DOCK4: variants seen among roughly 807,000 people sequenced by gnomAD.
DOCK4 encodes the protein dedicator of cytokinesis 4.
A neutral mutation model predicts 268.1 loss-of-function variants in DOCK4; 97 were observed. The ratio of observed to expected loss-of-function variants is 0.36; its 90% confidence interval spans 0.31 to 0.43. The LOEUF (loss-of-function observed/expected upper bound fraction) is 0.43, where lower values mean the gene tolerates loss of function less well. DOCK4 is among the 20% of genes least tolerant of loss of function. The probability of loss-of-function intolerance (pLI) is 1.00; values close to 1 mark genes in which losing one functional copy is unlikely to be tolerated. For missense variants in DOCK4, 2,145 were observed against 2,455.7 expected (o/e 0.87, Z 2.67); for synonymous variants, 954 against 887.2 (o/e 1.08, Z -1.34).
chr7:112,141,114 C>A (rs1020476327), intron 1 of DOCK4, among the ~76,000 whole-genome samples: 2 of 152,148 alleles, frequency 1.3e-5, no homozygotes, highest in African/African-American at 4.8e-5. Context: ...CAACAATCAC[C>A]AACATCCTGC....
At chr7:111,729,036 C>T (rs1794878455) in intron 52 of DOCK4, among the ~76,000 whole-genome samples, 1 of 152,152 alleles carries the variant, frequency 6.6e-6, no homozygotes, top group South Asian at 2.1e-4. Flanking sequence ...GGCTGCCACG[C>T]ATTGATCCTG....
At chr7:111,831,883 T>C (rs1435981064) in intron 26 of DOCK4, among the ~76,000 whole-genome samples, 1 of 152,106 alleles carries the variant, frequency 6.6e-6, no homozygotes, top group African/African-American at 2.4e-5. Context: ...CTTCAAAATG[T>C]CCTCAAAACA....
intron 16 of DOCK4, among the ~76,000 whole-genome samples, chr7:111,889,410 G>A (rs1172354393): frequency 2.0e-5 from 3 of 152,024 alleles, no homozygotes; most frequent in Non-Finnish European, 4.4e-5. Context: ...GGGTTCACTG[G>A]GCAGCAGGCT....
intron 26 of DOCK4, among the ~76,000 whole-genome samples, chr7:111,826,638 A>G (rs562945156): frequency 6.6e-6 from 1 of 152,308 alleles, no homozygotes; most frequent in South Asian, 2.1e-4. Context: ...GGAAACAGAA[A>G]ACCAAATACT....
At chr7:112,154,954 A>G (rs2116435295) in intron 1 of DOCK4, among the ~76,000 whole-genome samples, 1 of 152,300 alleles carries the variant, frequency 6.6e-6, no homozygotes, top group African/African-American at 2.4e-5. Context: ...ACAACACCAT[A>G]TTGACATATG....
At chr7:111,861,758 AAATAAT>A (rs1232947496) in intron 23 of DOCK4, among the ~76,000 whole-genome samples, 2 of 74,352 alleles carry the variant, frequency 2.7e-5, no homozygotes, top group Non-Finnish European at 6.0e-5. Context: ...AAAAAAAAAA[AAATAAT>A]AATAATAATA....
intron 12 of DOCK4, among the ~76,000 whole-genome samples, chr7:111,924,037 G>A (rs1177502090): frequency 1.1e-4 from 16 of 152,078 alleles, no homozygotes; most frequent in Admixed American, 9.8e-4. Context: ...CTTGAGTAAC[G>A]CTGAAATATA....
intron 39 of DOCK4, among the ~76,000 whole-genome samples, chr7:111,764,301 C>T (rs950884140): frequency 1.3e-5 from 2 of 152,120 alleles, no homozygotes; most frequent in Admixed American, 6.5e-5. Context: ...CCAAGTACAC[C>T]CATCCTAGTA....
intron 1 of DOCK4, among the ~76,000 whole-genome samples, chr7:112,074,225 G>T (rs539633453): frequency 2.6e-5 from 4 of 152,246 alleles, no homozygotes; most frequent in Admixed American, 2.6e-4. Flanking sequence ...GGCAGATGTG[G>T]GTGAGTATCC....
chr7:111,969,934 T>C (rs1370502025), intron 8 of DOCK4, among the ~76,000 whole-genome samples: 2 of 152,206 alleles, frequency 1.3e-5, no homozygotes, highest in Non-Finnish European at 2.9e-5. Flanking sequence ...AGTTTATGCA[T>C]GTCCACATTC....
At chr7:111,809,713 A>C (rs1405030237) in intron 28 of DOCK4, among the ~76,000 whole-genome samples, 1 of 152,240 alleles carries the variant, frequency 6.6e-6, no homozygotes, top group African/African-American at 2.4e-5. Flanking sequence ...GGTATATGCT[A>C]AAAGACAGAT....
intron 30 of DOCK4, among the ~76,000 whole-genome samples, chr7:111,799,385 C>T (rs137870296): frequency 1.4e-3 from 210 of 152,246 alleles, no homozygotes; most frequent in African/African-American, 4.7e-3. Flanking sequence ...TAGCAGAAGC[C>T]CAACCCCAGA....
intron 1 of DOCK4, among the ~76,000 whole-genome samples, chr7:112,182,256 T>C (rs2116706693): frequency 6.6e-6 from 1 of 152,334 alleles, no homozygotes; most frequent in East Asian, 1.9e-4. Flanking sequence ...ATAGTTATTA[T>C]TGTTTTCATA....
At chr7:112,135,270 C>A (rs1169538213) in intron 1 of DOCK4, among the ~76,000 whole-genome samples, 1 of 151,966 alleles carries the variant, frequency 6.6e-6, no homozygotes, top group African/African-American at 2.4e-5. Context: ...ATAGTTAAAA[C>A]CATGGAAATA....
At chr7:111,915,991 G>A in intron 12 of DOCK4, 87 bp from the exon 13 acceptor site, 1 of 1,396,076 alleles carries the variant, frequency 7.2e-7, no homozygotes, top group Non-Finnish European at 9.8e-7. Flanking sequence ...CCCAAATTTA[G>A]AATATCATGG....
intron 1 of DOCK4, among the ~76,000 whole-genome samples, chr7:112,062,245 T>G (rs1457081309): frequency 6.6e-6 from 1 of 152,164 alleles, no homozygotes; most frequent in Non-Finnish European, 1.5e-5. Context: ...TCAATATTTT[T>G]AAAAATTTTA....
chr7:111,840,780 T>C (rs201654133), intron 25 of DOCK4: 3 of 1,314,200 alleles, frequency 2.3e-6, no homozygotes, highest in Non-Finnish European at 3.0e-6. Flanking sequence ...CTACTTGTCA[T>C]GGGCACTTTT....
chr7:111,986,818 T>A (rs1445572173), intron 6 of DOCK4, among the ~76,000 whole-genome samples: 1 of 152,222 alleles, frequency 6.6e-6, no homozygotes, highest in Non-Finnish European at 1.5e-5. Context: ...CTTCCTAAGC[T>A]TCCCACATCA....
At chr7:112,109,872 G>C (rs538635398) in intron 1 of DOCK4, among the ~76,000 whole-genome samples, 2 of 150,296 alleles carry the variant, frequency 1.3e-5, no homozygotes, top group Non-Finnish European at 2.9e-5. Context: ...AGCCTCCCAA[G>C]TAGCTGGGAC....
Sources: gnomAD v4.1 joint callset for allele counts (sites outside exome capture counted in the v4.1 genomes callset) on GRCh38, gnomAD v4.1.1 for gene constraint, MANE v1.5 for transcripts, NCBI Gene and HGNC (gene_info 2026-07-23, HGNC 2026-07-21) for gene names.